Variants in ARHGAP32 observed in about 807,000 individuals in gnomAD.
ARHGAP32 encodes the protein Rho GTPase activating protein 32.
Under a neutral mutation model 186.5 loss-of-function variants are expected in ARHGAP32, and 51 were observed. The ratio of observed to expected loss-of-function variants is 0.27; its 90% CI spans 0.22 to 0.35. ARHGAP32 has a LOEUF of 0.35. Among genes scored for constraint, ARHGAP32 ranks in the 10% least tolerant of loss-of-function variants. The pLI, the probability that ARHGAP32 is intolerant of heterozygous loss-of-function variation, is 1.00. For missense variants in ARHGAP32, 2,186 were observed against 2,623.5 expected (o/e 0.83, Z 3.64); for synonymous variants, 950 against 964.3 (o/e 0.99, Z 0.27).
At chr11:129,096,022 G>A (rs1463634499) in intron 5 of ARHGAP32, among the ~76,000 whole-genome samples, 1 of 152,184 alleles carries the variant, frequency 6.6e-6, no homozygotes, top group African/African-American at 2.4e-5. Flanking sequence ...TCAGCCTGAT[G>A]CAGCACCTCA....
chr11:128,992,674 C>A (rs1369931685), intron 12 of ARHGAP32, among the ~76,000 whole-genome samples: 1 of 151,940 alleles, frequency 6.6e-6, no homozygotes, highest in Admixed American at 6.6e-5. Context: ...GTAATCCCAG[C>A]TACTCAGGAG....
At position 128,985,856 on chromosome 11, in the gene ARHGAP32, G is replaced by GTA. The variant is rs1234875074; in HGVS notation, c.1526+146_1526+147insTA. ...CGTGTGTGTGTGTGTGTGTGTGTGT[G>GTA]TGTATATATATATATATATATATAT... On this transcript the variant is annotated intron_variant, in intron 15 of 22. Transcript: ENST00000682385. 815 of 111,064 alleles carry GTA rather than the reference G, an allele frequency of 7.3e-3. 6 individuals carry two copies. Among genetic ancestry groups the GTA allele is most frequent in the Non-Finnish European group, 9.1e-3 (532 of 58,414 alleles). 6.9% of individuals were successfully genotyped at this position (111,064 alleles called of 1,614,324 possible).
intron 2 of ARHGAP32, among the ~76,000 whole-genome samples, chr11:129,128,885 C>T (rs1042991877): frequency 2.0e-5 from 3 of 152,206 alleles, no homozygotes; most frequent in African/African-American, 7.2e-5. Context: ...TCACTCAGTG[C>T]TCAATGTTGC....
Position 128,969,710 on chromosome 11 carries a change from G to A in ARHGAP32, c.5503C>T (p.Pro1835Ser). 1 of 1,614,178 alleles carries A rather than the reference G, an allele frequency of 6.2e-7. No individual in the cohort carries two copies. Among genetic ancestry groups the A allele is most frequent in the Non-Finnish European group, 8.5e-7 (1 of 1,180,034 alleles). The change falls in exon 23 of 23, where the codon CCC becomes TCC. Residue 1835 changes from proline (P) to serine (S), a missense_variant. Coordinates refer to ENST00000682385, the MANE Select transcript of ARHGAP32 (RefSeq NM_001378024.1). This position sits in a 1 kb window ranked among gnomAD's most constrained non-coding sequence, Gnocchi z 4.8. ...ESRHAAKAIS[P>S]EGEDRFYRRH... is the part of the protein sequence containing the mutation. ...CTATAGAAGCGGTCCTCTCCCTCGG[G>A]ACTGATGGCCTTGGCTGCATGGCGG...
chr11:129,271,726 T>C (rs1410634609), intron 1 of ARHGAP32, among the ~76,000 whole-genome samples: 1 of 152,082 alleles, frequency 6.6e-6, no homozygotes, highest in Non-Finnish European at 1.5e-5. Context: ...GGCAAAAGCA[T>C]ATAGAAAATG....
chr11:129,206,305 G>C (rs1012072905), intron 1 of ARHGAP32, among the ~76,000 whole-genome samples: 4 of 152,024 alleles, frequency 2.6e-5, no homozygotes, highest in Admixed American at 2.0e-4. Context: ...TCAACCTCGT[G>C]GGCTTAAGGG....
intron 10 of ARHGAP32, among the ~76,000 whole-genome samples, chr11:129,055,276 C>T (rs1303880973): frequency 6.6e-6 from 1 of 152,084 alleles, no homozygotes; most frequent in Admixed American, 6.5e-5. Context: ...TTTAAACTGG[C>T]AATTATCAAA....
At chr11:129,067,917 G>A (rs1487878100) in intron 6 of ARHGAP32, among the ~76,000 whole-genome samples, 4 of 151,964 alleles carry the variant, frequency 2.6e-5, no homozygotes, top group Non-Finnish European at 5.9e-5. Context: ...AATCCTCCAC[G>A]ACATAGACAA....
chr11:129,277,081 A>G (rs1945540272), intron 1 of ARHGAP32, among the ~76,000 whole-genome samples: 1 of 152,246 alleles, frequency 6.6e-6, no homozygotes, highest in South Asian at 2.1e-4. Flanking sequence ...TTATGAAGAA[A>G]ACAGATGCCT....
intron 5 of ARHGAP32, among the ~76,000 whole-genome samples, chr11:129,120,506 G>A (rs1009926283): frequency 3.9e-5 from 6 of 152,042 alleles, no homozygotes; most frequent in Non-Finnish European, 8.8e-5. Context: ...TAAAAGTACT[G>A]ACATGTCTAA....
intron 8 of ARHGAP32, 131 bp from the exon 9 acceptor site, chr11:129,064,155 AT>A: frequency 1.4e-6 from 1 of 733,202 alleles, no homozygotes; most frequent in Non-Finnish European, 2.1e-6. Flanking sequence ...AAAAACTACC[AT>A]TTACTGGGTA....
At chr11:129,134,716 A>C (rs1034356116) in intron 2 of ARHGAP32, among the ~76,000 whole-genome samples, 4 of 152,206 alleles carry the variant, frequency 2.6e-5, no homozygotes, top group Non-Finnish European at 5.9e-5. Context: ...AGGTGAGGGT[A>C]GTAAGAGGTC....
Position 128,969,036 on chromosome 11 carries a change from C to A in ARHGAP32, c.6177G>T (p.Met2059Ile). The part of the protein sequence containing the change: ...HQRGVFGGGG[M>I]GTYVPPGFPH... ...GAAAGCCAGGGGGCACATACGTCCC[C>A]ATGCCGCCCCCTCCAAAGACTCCTC... is the stretch of plus-strand genomic sequence containing the variant. The change falls in exon 23 of 23, where the codon ATG becomes ATT. Residue 2059 changes from methionine to isoleucine, a missense_variant. By Grantham distance (10) the Met-to-Ile change is conservative. Transcript: ENST00000682385. The surrounding 1 kb of genome is among the most constrained non-coding windows in gnomAD (Gnocchi z 4.8). 2.5e-6 allele frequency: 4 copies of A among 1,612,330 alleles called. No homozygotes were observed. The highest frequency in any genetic ancestry group is 3.4e-6 in the Non-Finnish European group (4 of 1,178,794).
chr11:129,228,148 G>A (rs1944810558), intron 1 of ARHGAP32, among the ~76,000 whole-genome samples: 1 of 152,044 alleles, frequency 6.6e-6, no homozygotes, highest in African/African-American at 2.4e-5. Flanking sequence ...GAATTCAGAT[G>A]GGAAATAGGA....
intron 1 of ARHGAP32, among the ~76,000 whole-genome samples, chr11:129,254,025 T>TA (rs1266187155): frequency 1.3e-5 from 2 of 152,178 alleles, no homozygotes; most frequent in African/African-American, 4.8e-5. Context: ...AAAATTACAT[T>TA]ATAAATGAAA....
rs543605057 is a variant in ARHGAP32, at chr11:129,148,505, C to T, written c.225+15814G>A. 3.3e-5 allele frequency among the ~76,000 whole-genome samples: 5 copies of T among 152,152 alleles called. No homozygotes were observed. In the South Asian group the frequency reaches 1.0e-3, roughly 32 times the overall value. ...CCCAGGGAAGCCATCCCCAACTATA[C>T]CTCACAGGGGCCTTCAGGGAAGGCA... On this transcript the variant is annotated intron_variant, in intron 2 of 22. Coordinates refer to ENST00000682385, the MANE Select transcript of ARHGAP32 (RefSeq NM_001378024.1).
intron 11 of ARHGAP32, among the ~76,000 whole-genome samples, chr11:129,029,223 C>G (rs1253509686): frequency 6.6e-6 from 1 of 152,122 alleles, no homozygotes; most frequent in African/African-American, 2.4e-5. Context: ...ATTTTATTTA[C>G]TCCTATTGTA....
chr11:129,074,979 C>G (rs10790985), intron 6 of ARHGAP32, among the ~76,000 whole-genome samples: 28,383 of 152,008 alleles, frequency 0.19, 2,819 homozygotes, highest in Non-Finnish European at 0.21. Context: ...AACGCATACA[C>G]ATATCAAAAT....
intron 11 of ARHGAP32, among the ~76,000 whole-genome samples, chr11:129,019,227 T>C (rs376422423): frequency 6.6e-6 from 1 of 152,160 alleles, no homozygotes; most frequent in Admixed American, 6.5e-5. Flanking sequence ...AAAGGCAGTA[T>C]GAAGGAAAAG....
Sources: allele counts gnomAD v4.1 joint callset (sites outside exome capture counted in the v4.1 genomes callset), GRCh38; gene constraint gnomAD v4.1.1; non-coding constraint Gnocchi (gnomAD v3.1); transcripts MANE v1.5; gene names NCBI Gene and HGNC (gene_info 2026-07-23, HGNC 2026-07-21).